The following EEF1B2 variants were observed in gnomAD, a reference collection of about 807,000 sequenced individuals.
EEF1B2 encodes elongation factor 1-beta.
Under a neutral mutation model 28.3 loss-of-function variants are expected in EEF1B2, and 12 were observed. That is an observed-to-expected ratio of 0.42 (90% CI 0.27 to 0.69). The LOEUF is 0.69. EEF1B2 is among the 30% of genes least tolerant of loss of function. The pLI is 0.22. For missense variants in EEF1B2, 234 were observed against 272.6 expected (o/e 0.86, Z 1.00); for synonymous variants, 83 against 99.9 (o/e 0.83, Z 1.01).
At chr2:206,159,712 T>G, upstream of EEF1B2, 1 of 352,108 alleles carries the variant, frequency 2.8e-6, no homozygotes. Flanking sequence ...GCCTATTTTA[T>G]TAATTTACTT....
Position 206,161,515 on chromosome 2 carries a change from G to C in EEF1B2, c.330+43G>C, listed in dbSNP as rs373447141. ...AAGAACATATCGGCCAGGCGCAGTGGCTCATGCCTGTAATCCCAGCATGTT... is the reference window on the plus strand; with the variant it reads ...AAGAACATATCGGCCAGGCGCAGTGCCTCATGCCTGTAATCCCAGCATGTT... On this transcript the variant is annotated intron_variant, in intron 3 of 5. Transcript: ENST00000392222. The C allele has an allele frequency of 3.1e-5, 50 of 1,607,694 alleles. No individual in the cohort carries two copies. In the African/African-American group the frequency reaches 6.5e-4, roughly 21 times the overall value.
Position 206,159,919 on chromosome 2 carries a change from G to T in EEF1B2, c.-61G>T. 3.2e-6 allele frequency: 5 copies of T among 1,583,728 alleles called. No homozygotes were observed. The highest frequency in any genetic ancestry group is 4.3e-6 in the Non-Finnish European group (5 of 1,164,804). ...TCCTTTTTCCTCTCTTCAGCGTGGGGCGCCCACAATTTGCGCGCTCTCTTT... is the reference window on the plus strand; with the variant it reads ...TCCTTTTTCCTCTCTTCAGCGTGGGTCGCCCACAATTTGCGCGCTCTCTTT... On this transcript the variant is annotated 5_prime_UTR_variant, in exon 1 of 6. Coordinates refer to ENST00000392222, the MANE Select transcript of EEF1B2 (RefSeq NM_001959.4).
rs1385016903 is a variant in EEF1B2, at chr2:206,160,596, C to T, written c.89C>T (p.Pro30Leu). 6.8e-6 allele frequency: 11 copies of T among 1,613,790 alleles called. No individual in the cohort carries two copies. Among genetic ancestry groups the T allele is most frequent in the Non-Finnish European group, 9.3e-6 (11 of 1,180,006 alleles). ...ADKSYIEGYV[P>L]SQADVAVFEA... ...TTCTGTGTCCTTGGCAGGTATGTGC[C>T]ATCACAAGCAGATGTGGCAGTATTT... Residue 30 changes from proline (P) to leucine (L), a missense_variant, in exon 2 of 6, where the codon CCA becomes CTA. Coordinates refer to ENST00000392222, the MANE Select transcript of EEF1B2 (RefSeq NM_001959.4).
chr2:206,160,944 C>T (rs1334185216), intron 2 of EEF1B2: 3 of 734,400 alleles, frequency 4.1e-6, no homozygotes, highest in East Asian at 2.9e-5. Context: ...CAATGTGCCT[C>T]GACCTTGACC....
In EEF1B2 at chr2:206,160,912, A is replaced by G. The variant is rs200423180; in HGVS notation, c.203+202A>G. On this transcript the variant is annotated intron_variant, in intron 2 of 5. Transcript: ENST00000392222. ...GTAGAACATGGACAGCAGCAATTCA[A>G]CTTTTCCCCACACTGCCCTGCCAAT... is the stretch of plus-strand genomic sequence containing the variant. The G allele has an allele frequency of 4.0e-4, 338 of 835,700 alleles. 1 individual carries two copies. Among genetic ancestry groups the G allele is most frequent in the Admixed American group, 3.1e-3 (153 of 49,794 alleles). The allele number at this position is 835,700 out of a possible 1,614,324, so 51.8% of individuals were successfully genotyped here. A position where few individuals can be genotyped will look rare whatever the true frequency, so the allele number is the denominator to read the frequency against.
rs1687960902 is a variant in EEF1B2, at chr2:206,162,423, T to C, written c.398-66T>C. 5 of 1,607,206 alleles carry C rather than the reference T, an allele frequency of 3.1e-6. No homozygotes were observed. The African/African-American group carries it at 4.0e-5, about 13-fold the overall frequency. The stretch of plus-strand genomic sequence containing the variant: ...CAAAACAAATTGAGATGGATTTGTT[T>C]GTGTCTTGGAGTAGGGTGAAAAAAA... On this transcript the variant is annotated intron_variant, in intron 4 of 5. Transcript: ENST00000392222.
chr2:206,162,540 A>G lies in EEF1B2; in HGVS notation c.449A>G (p.Asp150Gly), dbSNP rs1473136666. ...SSILLDVKPW[D>G]DETDMAKLEE... ...ATCTTACTAGATGTGAAACCTTGGGATGATGAGACAGATATGGCGAAATTA... is the reference window on the plus strand; with the variant it reads ...ATCTTACTAGATGTGAAACCTTGGGGTGATGAGACAGATATGGCGAAATTA... The change falls in exon 5 of 6, where the codon GAT (aspartate) becomes GGT (glycine). Residue 150 changes from aspartate to glycine, a missense_variant. Asp to Gly is a moderately conservative substitution (Grantham distance 94, BLOSUM62 -1). Around this residue, in one of 2 missense-constraint regions of EEF1B2, gnomAD observed 56 missense variants for 99.3 expected, o/e 0.56. Transcript: ENST00000392222. 1.8e-5 allele frequency: 29 copies of G among 1,613,336 alleles called. No individual in the cohort carries two copies. Among genetic ancestry groups the G allele is most frequent in the Non-Finnish European group, 2.2e-5 (26 of 1,180,020 alleles).
chr2:206,162,705 G>A, intron 5 of EEF1B2, 24 bp from the exon 6 acceptor site: 1 of 1,612,910 alleles, frequency 6.2e-7, no homozygotes, highest in Non-Finnish European at 8.5e-7. Context: ...TTCTAACTAG[G>A]ATTTTTCTTA....
At chr2:206,159,875 A>G (rs1687848104), upstream of EEF1B2, 3 of 1,353,752 alleles carry the variant, frequency 2.2e-6, no homozygotes, top group South Asian at 1.4e-5. Flanking sequence ...TATATAAGGA[A>G]TTTTCCGGTC....
At chr2:206,160,430 T>C (rs1050899988) in intron 1 of EEF1B2, 158 bp from the exon 2 acceptor site, 4 of 1,321,126 alleles carry the variant, frequency 3.0e-6, no homozygotes, top group Admixed American at 2.6e-5. Context: ...CCCAAACATA[T>C]GGTTTGATTT....
rs11546377 is a variant in EEF1B2, at chr2:206,160,012, C to T, written c.33C>T (p.Gly11=). The T allele has an allele frequency of 6.2e-7, 1 of 1,613,236 alleles. No individual in the cohort carries two copies. ...TCGGAGACCTGAAAAGCCCTGCCGG[C>T]CTCCAGGTGCTCAACGATTACCTGG... is the stretch of plus-strand genomic sequence containing the variant. The part of the protein sequence containing the change: MGFGDLKSPA[G]LQVLNDYLAD... Residue 11 remains glycine, a synonymous_variant, in exon 1 of 6, where the codon GGC becomes GGT. Transcript: ENST00000392222.
At chr2:206,160,980 G>T (rs1468323556) in intron 2 of EEF1B2, 1 of 680,296 alleles carries the variant, frequency 1.5e-6, no homozygotes, top group South Asian at 1.5e-5. Flanking sequence ...TGGGGTGAGA[G>T]GGTGGCTCAT....
At chr2:206,161,255 GAT>G in intron 2 of EEF1B2, 89 bp from the exon 3 acceptor site, 2 of 1,556,626 alleles carry the variant, frequency 1.3e-6, no homozygotes, top group Non-Finnish European at 1.7e-6. Context: ...GGGATCTAGT[GAT>G]AAGTAGTGAT....
At chr2:206,160,905 C>A in intron 2 of EEF1B2, 195 bp downstream of exon 2, 1 of 884,812 alleles carries the variant, frequency 1.1e-6, no homozygotes, top group Non-Finnish European at 1.8e-6. Flanking sequence ...TGGACAGCAG[C>A]AATTCAACTT....
rs1157327686 is a variant in EEF1B2 at position 206,159,938 on chromosome 2, T to C, written c.-42T>C. The C allele has an allele frequency of 4.4e-6, 7 of 1,599,088 alleles. No homozygotes were observed. Among genetic ancestry groups the C allele is most frequent in the Non-Finnish European group, 6.0e-6 (7 of 1,174,684 alleles). ...CGTGGGGCGCCCACAATTTGCGCGC[T>C]CTCTTTCTGCTGCTCCCCAGCTCTC... On this transcript the variant is annotated 5_prime_UTR_variant, in exon 1 of 6. Coordinates refer to ENST00000392222, the MANE Select transcript of EEF1B2 (RefSeq NM_001959.4).
At chr2:206,159,893 G>A, upstream of EEF1B2, 1 of 1,481,088 alleles carries the variant, frequency 6.8e-7, no homozygotes, top group Non-Finnish European at 9.1e-7. Context: ...GTCTCTTCGG[G>A]TCCTTTTTCC....
In EEF1B2 at chr2:206,160,010, G is replaced by A; in HGVS notation, c.31G>A (p.Gly11Ser). MGFGDLKSPAGLQVLNDYLAD... is the reference protein window; with the variant it reads MGFGDLKSPASLQVLNDYLAD... ...TTTCGGAGACCTGAAAAGCCCTGCC[G>A]GCCTCCAGGTGCTCAACGATTACCT... The change falls in exon 1 of 6, where the codon GGC (glycine) becomes AGC (serine). Residue 11 changes from glycine (G) to serine (S), a missense_variant. Gly to Ser is a moderately conservative substitution (Grantham distance 56). This residue lies in a region of EEF1B2 where 178 missense variants were observed against 173.3 expected (regional missense o/e 1.03). Coordinates refer to ENST00000392222, the MANE Select transcript of EEF1B2 (RefSeq NM_001959.4). 6.2e-7 allele frequency: 1 copy of A among 1,613,202 alleles called. No homozygotes were observed. Among genetic ancestry groups the A allele is most frequent in the Non-Finnish European group, 8.5e-7 (1 of 1,179,726 alleles).
chr2:206,161,962 T>C, intron 3 of EEF1B2, 76 bp from the exon 4 acceptor site: 1 of 1,294,170 alleles, frequency 7.7e-7, no homozygotes, highest in Non-Finnish European at 1.1e-6. Flanking sequence ...AGCCAGTCTT[T>C]TTTGTGATGA....
At chr2:206,161,858 A>G (rs1253084091) in intron 3 of EEF1B2, 180 bp from the exon 4 acceptor site, 5 of 757,296 alleles carry the variant, frequency 6.6e-6, no homozygotes, top group Non-Finnish European at 7.3e-6. Flanking sequence ...TTTAATTTAT[A>G]TGCCTTTTTC....
Sources: allele counts gnomAD v4.1 joint callset, GRCh38; gene constraint gnomAD v4.1.1; regional missense constraint gnomAD v4.1.1; transcripts MANE v1.5; gene names NCBI Gene and HGNC (gene_info 2026-07-23, HGNC 2026-07-21).